The following NAPA variants were observed in gnomAD, a reference collection of about 807,000 sequenced individuals.
The protein encoded by NAPA is alpha-soluble NSF attachment protein.
In NAPA, 18 loss-of-function variants were observed where a neutral mutation model predicts 48.0. That is an observed-to-expected ratio of 0.38 (90% CI 0.26 to 0.56). The LOEUF (loss-of-function observed/expected upper bound fraction) is 0.56. Ranked by LOEUF, NAPA falls within the 20% of genes least tolerant of loss-of-function variation. The pLI, the probability that NAPA is intolerant of heterozygous loss-of-function variation, is 0.77. For missense variants in NAPA, 315 were observed against 385.0 expected (o/e 0.82, Z 1.52); for synonymous variants, 152 against 149.9 (o/e 1.01, Z -0.10).
In NAPA at chr19:47,506,727, C is replaced by T. The variant is rs534699577; in HGVS notation, c.99-3225G>A. 1.6e-3 allele frequency: 246 copies of T among 152,410 alleles called. 2 individuals are homozygous for T. The highest frequency in any genetic ancestry group is 3.4e-3 in the Middle Eastern group (1 of 294). The allele number at this position is 152,410 out of a possible 1,614,324, so 9.4% of individuals were successfully genotyped here. ...CAGGCTAAGCACAGCCAACCCTGCA[C>T]GGGGTCAATGATTCTGTGGGGTGGA... On this transcript the variant is annotated intron_variant, in intron 1 of 10. Transcript: ENST00000263354. This position sits in a 1 kb window ranked among gnomAD's most constrained non-coding sequence, Gnocchi z 4.0.
Position 47,515,045 on chromosome 19 carries a change from T to C in NAPA, c.-105A>G, listed in dbSNP as rs1440500817. On this transcript the variant is annotated 5_prime_UTR_variant, in exon 1 of 11. Coordinates refer to ENST00000263354, the MANE Select transcript of NAPA (RefSeq NM_003827.4). ...ATCGGTAAAACTCGCCCGGCTGCGT[T>C]GACGTCGCACCGGCGCGCGTCGCTT... 6.8e-6 allele frequency: 8 copies of C among 1,179,668 alleles called. No homozygotes were observed. Among genetic ancestry groups the C allele is most frequent in the Admixed American group, 4.8e-5 (2 of 41,882 alleles). 73.1% of individuals were successfully genotyped at this position (1,179,668 alleles called of 1,614,324 possible).
rs1599896828 is a variant in NAPA, at chr19:47,493,113, G to A, written c.476+6C>T. Reference sequence around the variant, plus strand: ...GCGGGGCTGGGGCAGGCAGGAAGGGGGCTACCTGTTGGACTCCTCGCCTTT... The same window carrying A: ...GCGGGGCTGGGGCAGGCAGGAAGGGAGCTACCTGTTGGACTCCTCGCCTTT... On this transcript the variant is annotated splice_donor_region_variant and intron_variant, in intron 6 of 10. Coordinates refer to ENST00000263354, the MANE Select transcript of NAPA (RefSeq NM_003827.4). This position sits in a 1 kb window ranked among gnomAD's most constrained non-coding sequence, Gnocchi z 6.4. The A allele has an allele frequency of 1.9e-6, 3 of 1,613,668 alleles. No homozygotes were observed. In the Admixed American group the frequency reaches 5.0e-5, roughly 27 times the overall value.
intron 3 of NAPA, among the ~76,000 whole-genome samples, chr19:47,498,086 G>C (rs181009076): frequency 4.6e-5 from 7 of 152,348 alleles, no homozygotes; most frequent in African/African-American, 1.4e-4. Flanking sequence ...CTGCGAGAGG[G>C]AGAGGAATTC....
In NAPA at chr19:47,495,592, G is replaced by A. The variant is rs140264022; in HGVS notation, c.300C>T (p.Ala100=). The A allele has an allele frequency of 1.7e-5, 28 of 1,608,662 alleles. No homozygotes were observed. In the African/African-American group the frequency reaches 3.1e-4, roughly 18 times the overall value. The change falls in exon 4 of 11, where the codon GCC becomes GCT. Residue 100 remains alanine (A), a synonymous_variant. Coordinates refer to ENST00000263354, the MANE Select transcript of NAPA (RefSeq NM_003827.4). ...NAFKKADPQE[A]INCLMRAIEI... Reference sequence around the variant, plus strand: ...CGATTGCTCGCATCAAACAGTTAATGGCCTCTGGAGAGAAAGGGAGGTGGG... The same window carrying A: ...CGATTGCTCGCATCAAACAGTTAATAGCCTCTGGAGAGAAAGGGAGGTGGG...
intron 3 of NAPA, chr19:47,496,979 C>T (rs563249224): frequency 5.6e-6 from 2 of 357,174 alleles, no homozygotes; most frequent in South Asian, 4.0e-5. Flanking sequence ...TGGCAGCAGA[C>T]AGTGGAAACG....
intron 1 of NAPA, among the ~76,000 whole-genome samples, chr19:47,508,770 G>A (rs571727844): frequency 6.6e-6 from 1 of 152,114 alleles, no homozygotes; most frequent in Admixed American, 6.5e-5. Flanking sequence ...CCAAAGTGCT[G>A]AGATTCCATT....
downstream of NAPA, among the ~76,000 whole-genome samples, chr19:47,486,248 G>C (rs1282940368): frequency 6.6e-6 from 1 of 151,994 alleles, no homozygotes; most frequent in Admixed American, 6.6e-5. Context: ...CCAGCTACTC[G>C]GGAGACTGAG....
chr19:47,499,190 C>A (rs1293981999), intron 3 of NAPA, among the ~76,000 whole-genome samples: 4 of 152,242 alleles, frequency 2.6e-5, no homozygotes, highest in African/African-American at 9.6e-5. Flanking sequence ...CCCACCATAT[C>A]CCACTGCCAG....
chr19:47,510,140 G>T (rs903506309), intron 1 of NAPA, among the ~76,000 whole-genome samples: 5 of 152,208 alleles, frequency 3.3e-5, no homozygotes, highest in Admixed American at 3.3e-4. Context: ...GATTCACCAG[G>T]GTGCCCACTG....
At chr19:47,485,168 C>T (rs1210119729), downstream of NAPA, among the ~76,000 whole-genome samples, 1 of 152,182 alleles carries the variant, frequency 6.6e-6, no homozygotes, top group Non-Finnish European at 1.5e-5. Flanking sequence ...CTGCAAGGGC[C>T]TACTGTTACC....
chr19:47,498,656 C>A (rs950417328), intron 3 of NAPA, among the ~76,000 whole-genome samples: 1 of 152,124 alleles, frequency 6.6e-6, no homozygotes, highest in Non-Finnish European at 1.5e-5. Context: ...TGGGCTTGAG[C>A]GATCCTCCTG....
intron 1 of NAPA, among the ~76,000 whole-genome samples, chr19:47,505,963 A>AAC (rs1158487108): frequency 6.6e-6 from 1 of 150,454 alleles, no homozygotes; most frequent in African/African-American, 2.4e-5. Flanking sequence ...CAGCCAGCCC[A>AAC]ACACACCTTG....
At chr19:47,491,939 G>A in intron 8 of NAPA, 76 bp downstream of exon 8, 1 of 1,341,876 alleles carries the variant, frequency 7.5e-7, no homozygotes, top group Non-Finnish European at 1.1e-6. Flanking sequence ...TCCCTCTTCG[G>A]GGGCAACGGG....
intron 2 of NAPA, among the ~76,000 whole-genome samples, chr19:47,501,276 A>C (rs1452951208): frequency 6.6e-6 from 1 of 152,168 alleles, no homozygotes; most frequent in East Asian, 1.9e-4. Context: ...ACAGGCTGAA[A>C]TCATGGGGTG....
At chr19:47,492,766 G>C (rs948395117) in intron 7 of NAPA, 195 bp downstream of exon 7, 2 of 699,606 alleles carry the variant, frequency 2.9e-6, no homozygotes, top group Non-Finnish European at 2.6e-6. Context: ...TGCTGGCACG[G>C]CATGGAGTCG....
intron 1 of NAPA, among the ~76,000 whole-genome samples, chr19:47,505,146 T>C (rs11878491): frequency 0.21 from 32,380 of 152,050 alleles, 4,286 homozygotes; most frequent in African/African-American, 0.38. Flanking sequence ...TCCCAATATC[T>C]ACATAATCAG....
chr19:47,493,234 T>G lies in NAPA; in HGVS notation c.421-60A>C. ...GCAGGGAAGGGAGAGGAGGCCTCCGTGAAGCTTCCACACCCTCCGCCCTGC... is the reference window on the plus strand; with the variant it reads ...GCAGGGAAGGGAGAGGAGGCCTCCGGGAAGCTTCCACACCCTCCGCCCTGC... On this transcript the variant is annotated intron_variant, in intron 5 of 10. Transcript: ENST00000263354. This position sits in a 1 kb window ranked among gnomAD's most constrained non-coding sequence, Gnocchi z 6.4. 1.3e-6 allele frequency: 2 copies of G among 1,530,878 alleles called. No individual in the cohort carries two copies. The highest frequency in any genetic ancestry group is 1.8e-6 in the Non-Finnish European group (2 of 1,124,338). The allele number at this position is 1,530,878 out of a possible 1,614,324, so 94.8% of individuals were successfully genotyped here. A position where few individuals can be genotyped will look rare whatever the true frequency, so the allele number is the denominator to read the frequency against.
At chr19:47,494,760 AGAG>A (rs1568465510) in intron 4 of NAPA, among the ~76,000 whole-genome samples, 82 of 110,936 alleles carry the variant, frequency 7.4e-4, no homozygotes, top group African/African-American at 2.4e-3. Flanking sequence ...AAAAAAAAAG[AGAG>A]AGAGAGAAAG....
intron 4 of NAPA, 150 bp downstream of exon 4, chr19:47,495,400 G>C: frequency 1.2e-6 from 1 of 856,106 alleles, no homozygotes; most frequent in Non-Finnish European, 1.9e-6. Context: ...GGCCAGCTCA[G>C]GTGACCTAAT....
Sources: allele counts gnomAD v4.1 joint callset (sites outside exome capture counted in the v4.1 genomes callset), GRCh38; gene constraint gnomAD v4.1.1; non-coding constraint Gnocchi (gnomAD v3.1); transcripts MANE v1.5; gene names NCBI Gene and HGNC (gene_info 2026-07-23, HGNC 2026-07-21).